NUS1: variants seen among roughly 807,000 people sequenced by gnomAD.
NUS1 encodes the protein dehydrodolichyl diphosphate synthase complex subunit NUS1.
For synonymous variants in NUS1, 135 were observed against 155.2 expected (o/e 0.87, Z 0.97); for missense variants, 292 against 382.9 (o/e 0.76, Z 1.98).
At chr6:117,689,978 T>G (rs767325859) in intron 1 of NUS1, among the ~76,000 whole-genome samples, 8 of 152,338 alleles carry the variant, frequency 5.3e-5, no homozygotes, top group Admixed American at 2.0e-4. Context: ...CTTGTAAAAT[T>G]TATAAGCTGG....
rs1456838164 is a variant in NUS1, at chr6:117,676,024, G to C, written c.354G>C (p.Ala118=). The C allele has an allele frequency of 6.5e-7, 1 of 1,549,778 alleles. No individual in the cohort carries two copies. The highest frequency in any genetic ancestry group is 1.4e-5 in the African/African-American group (1 of 72,996). The change falls in exon 1 of 5, where the codon GCG becomes GCC. Residue 118 remains alanine (A), a synonymous_variant. Coordinates refer to ENST00000368494, the MANE Select transcript of NUS1 (RefSeq NM_138459.5). The part of the protein sequence containing the change: ...VEQEPSFSDI[A]SLVVWCMAVG... The stretch of plus-strand genomic sequence containing the variant: ...AGGAACCCAGCTTCTCGGACATCGC[G>C]AGCCTCGTGGTGTGGTGTATGGCCG...
At chr6:117,701,333 C>T (rs775423465) in intron 3 of NUS1, among the ~76,000 whole-genome samples, 3 of 151,182 alleles carry the variant, frequency 2.0e-5, no homozygotes, top group African/African-American at 7.3e-5. Context: ...CAGACTCTGC[C>T]TCCCGGGTTT....
intron 1 of NUS1, among the ~76,000 whole-genome samples, chr6:117,676,549 G>A (rs567142708): frequency 6.6e-6 from 1 of 152,332 alleles, no homozygotes; most frequent in African/African-American, 2.4e-5. Context: ...CTGCACTCCA[G>A]CCTGGGCAAC....
At chr6:117,689,397 T>C (rs1388017294) in intron 1 of NUS1, among the ~76,000 whole-genome samples, 1 of 152,196 alleles carries the variant, frequency 6.6e-6, no homozygotes, top group African/African-American at 2.4e-5. Context: ...TGGTGTGATG[T>C]GAATAGACAA....
intron 1 of NUS1, among the ~76,000 whole-genome samples, chr6:117,678,826 T>G (rs1476379671): frequency 2.6e-5 from 4 of 151,918 alleles, no homozygotes; most frequent in Admixed American, 6.6e-5. Flanking sequence ...CTACAGGTGA[T>G]GCGCGCCACC....
Position 117,707,245 on chromosome 6 carries a change from G to A in NUS1, c.*230G>A, listed in dbSNP as rs1172382359. The A allele has an allele frequency of 2.3e-6, 1 of 436,764 alleles. No individual in the cohort carries two copies. The highest frequency in any genetic ancestry group is 4.3e-6 in the Non-Finnish European group (1 of 233,948). The allele number at this position is 436,764 out of a possible 1,614,324, so 27.1% of individuals were successfully genotyped here. On this transcript the variant is annotated 3_prime_UTR_variant, in exon 5 of 5. Coordinates refer to ENST00000368494, the MANE Select transcript of NUS1 (RefSeq NM_138459.5). ...TGGAAATAAACTTATAAATGGGGAC[G>A]TATTGGAGAAGGAAATACATAGACC...
chr6:117,695,184 A>T (rs1471280210), intron 3 of NUS1, among the ~76,000 whole-genome samples: 2 of 114,050 alleles, frequency 1.8e-5, no homozygotes, highest in East Asian at 5.2e-4. Context: ...ACGGAGTGAG[A>T]CCCTGTCTCA....
Position 117,689,183 on chromosome 6 carries a change from A to G in NUS1, c.416-3859A>G, listed in dbSNP as rs559719781. Among the ~76,000 whole-genome samples, 31 of 152,306 alleles carry G rather than the reference A, an allele frequency of 2.0e-4. No homozygotes were observed. The South Asian group carries it at 6.0e-3, about 29-fold the overall frequency. Reference sequence around the variant, plus strand: ...GGAAGCATGGTGGTCATTAATGGTAATGCTTCAGAGAAGCTGAGGAGGGAA... The same window carrying G: ...GGAAGCATGGTGGTCATTAATGGTAGTGCTTCAGAGAAGCTGAGGAGGGAA... On this transcript the variant is annotated intron_variant, in intron 1 of 4. Coordinates refer to ENST00000368494, the MANE Select transcript of NUS1 (RefSeq NM_138459.5).
intron 2 of NUS1, 130 bp downstream of exon 2, chr6:117,693,297 T>C: frequency 9.9e-7 from 1 of 1,009,292 alleles, no homozygotes. Context: ...ACATCTTTAA[T>C]CATCAGATTT....
rs1173810309 is a variant in NUS1 at position 117,707,174 on chromosome 6, T to A, written c.*159T>A. On this transcript the variant is annotated 3_prime_UTR_variant, in exon 5 of 5. Transcript: ENST00000368494. ...AAAGTGTCTTACTTGAGAGTGAGTG[T>A]GTGTGTGTGCGTGTGCACGTGCACA... 7.7e-6 allele frequency: 5 copies of A among 649,320 alleles called. No individual in the cohort carries two copies. Among genetic ancestry groups the A allele is most frequent in the Non-Finnish European group, 1.1e-5 (4 of 367,050 alleles). 40.2% of individuals were successfully genotyped at this position (649,320 alleles called of 1,614,324 possible).
chr6:117,706,193 T>A (rs1476667332), intron 4 of NUS1, among the ~76,000 whole-genome samples: 5 of 152,332 alleles, frequency 3.3e-5, no homozygotes, highest in Admixed American at 6.5e-5. Flanking sequence ...GATTGTGTAT[T>A]CAGTCTATCT....
In NUS1 at chr6:117,707,193, G is replaced by T. The variant is rs928958510; in HGVS notation, c.*178G>T. ...TGAGTGTGTGTGTGTGCGTGTGCAC[G>T]TGCACACATGTGCACGTTTGTATGT... is the stretch of plus-strand genomic sequence containing the variant. On this transcript the variant is annotated 3_prime_UTR_variant, in exon 5 of 5. Transcript: ENST00000368494. 7.2e-6 allele frequency: 4 copies of T among 557,624 alleles called. No individual in the cohort carries two copies. Among genetic ancestry groups the T allele is most frequent in the Non-Finnish European group, 6.5e-6 (2 of 308,156 alleles). The allele number at this position is 557,624 out of a possible 1,614,324, so 34.5% of individuals were successfully genotyped here.
At chr6:117,703,308 G>T (rs564140018) in intron 3 of NUS1, among the ~76,000 whole-genome samples, 1 of 152,268 alleles carries the variant, frequency 6.6e-6, no homozygotes, top group Non-Finnish European at 1.5e-5. Context: ...ATGTGATTTT[G>T]GGGGCACCTA....
intron 1 of NUS1, among the ~76,000 whole-genome samples, chr6:117,676,336 T>C (rs1345299448): frequency 2.0e-5 from 3 of 152,158 alleles, no homozygotes; most frequent in Admixed American, 1.3e-4. Context: ...CCCAGCACTT[T>C]GGGAGGCCGA....
Position 117,675,520 on chromosome 6 carries a change from G to A in NUS1, c.-151G>A. 5.6e-6 allele frequency: 4 copies of A among 711,048 alleles called. No individual in the cohort carries two copies. In the South Asian group the frequency reaches 7.2e-5, roughly 13 times the overall value. 44.0% of individuals were successfully genotyped at this position (711,048 alleles called of 1,614,324 possible). A position where few individuals can be genotyped will look rare whatever the true frequency, so the allele number is the denominator to read the frequency against. ...GGAGGAGGAAGATGGCGGCGGGGGC[G>A]AGGTGAGGTGTTGGCAGTGGAAAGG... On this transcript the variant is annotated 5_prime_UTR_variant, in exon 1 of 5. Transcript: ENST00000368494.
intron 1 of NUS1, among the ~76,000 whole-genome samples, chr6:117,692,603 C>G (rs753790003): frequency 6.6e-6 from 1 of 151,998 alleles, no homozygotes; most frequent in Non-Finnish European, 1.5e-5. Context: ...CAAATTGAGG[C>G]AAGATTATTT....
chr6:117,701,842 C>T, intron 3 of NUS1, among the ~76,000 whole-genome samples: 1 of 151,132 alleles, frequency 6.6e-6, no homozygotes, highest in Non-Finnish European at 1.5e-5. Flanking sequence ...GCTGTCTCTG[C>T]TCAGGTTTTT....
rs114233276 is a variant in NUS1 at position 117,693,350 on chromosome 6, A to G, written c.541+183A>G. On this transcript the variant is annotated intron_variant, in intron 2 of 4. Coordinates refer to ENST00000368494, the MANE Select transcript of NUS1 (RefSeq NM_138459.5). ...TCTTGGTAAAAAGTGAACACATGAT[A>G]AGGATTTTATTTAACCAGGCAAATT... 5.8e-3 allele frequency among the ~76,000 whole-genome samples: 884 copies of G among 152,294 alleles called. 14 individuals carry two copies. Among genetic ancestry groups the G allele is most frequent in the African/African-American group, 0.02 (848 of 41,576 alleles).
At chr6:117,681,634 G>T (rs1773063161) in intron 1 of NUS1, among the ~76,000 whole-genome samples, 1 of 152,162 alleles carries the variant, frequency 6.6e-6, no homozygotes, top group African/African-American at 2.4e-5. Flanking sequence ...AAATATAAAT[G>T]TGATTACATT....
Sources: gnomAD v4.1 joint callset for allele counts (sites outside exome capture counted in the v4.1 genomes callset) on GRCh38, gnomAD v4.1.1 for gene constraint, MANE v1.5 for transcripts, NCBI Gene and HGNC (gene_info 2026-07-23, HGNC 2026-07-21) for gene names.